The following RYR1 variants were observed in gnomAD, a reference collection of about 807,000 sequenced individuals.
RYR1 encodes ryanodine receptor 1, also known as central core disease of muscle.
RYR1 carries 342 observed loss-of-function variants against 583.5 expected under a neutral mutation model. The observed-to-expected ratio is 0.59, with a 90% CI of 0.54 to 0.64. The LOEUF (loss-of-function observed/expected upper bound fraction) is 0.64. Ranked by LOEUF, RYR1 falls within the 30% of genes least tolerant of loss-of-function variation. The pLI, the probability that RYR1 is intolerant of heterozygous loss-of-function variation, is 0.00. For missense variants in RYR1, 6,032 were observed against 6,917.2 expected (o/e 0.87, Z 4.54); for synonymous variants, 2,791 against 2,822.5 (o/e 0.99, Z 0.35).
At position 38,485,887 on chromosome 19, in the gene RYR1, C is replaced by T; in HGVS notation, c.5232C>T (p.Ile1744=). 1.2e-6 allele frequency: 2 copies of T among 1,613,714 alleles called. No homozygotes were observed. Among genetic ancestry groups the T allele is most frequent in the Non-Finnish European group, 1.7e-6 (2 of 1,179,932 alleles). Residue 1744 remains isoleucine, a synonymous_variant, in exon 34 of 106, where the codon ATC becomes ATT. Transcript: ENST00000359596. ...CCCTCACGCCTGAGACCCGCGCCAT[C>T]ACGCTCTTCCCTCCTGGAAGGAGCA... is the stretch of plus-strand genomic sequence containing the variant. ...IVPLTPETRA[I]TLFPPGRSTE...
In RYR1 at chr19:38,444,470, C is replaced by G. The variant is rs940903230; in HGVS notation, c.538-114C>G. ...TCCTGATCTGTGATCTCTGATGACTCTGTCTCCCATCTGCCGGTTTCCGGG... is the reference window on the plus strand; with the variant it reads ...TCCTGATCTGTGATCTCTGATGACTGTGTCTCCCATCTGCCGGTTTCCGGG... On this transcript the variant is annotated intron_variant, in intron 6 of 105. Transcript: ENST00000359596. The surrounding 1 kb of genome is among the most constrained non-coding windows in gnomAD (Gnocchi z 5.1). 1.1e-6 allele frequency: 1 copy of G among 926,552 alleles called. No homozygotes were observed. 57.4% of individuals were successfully genotyped at this position (926,552 alleles called of 1,614,324 possible). A position where few individuals can be genotyped will look rare whatever the true frequency, so the allele number is the denominator to read the frequency against.
In RYR1 at chr19:38,466,323, C is replaced by T. The variant is rs368384162; in HGVS notation, c.3103C>T (p.Arg1035Trp). Residue 1035 changes from arginine (R) to tryptophan (W), a missense_variant, in exon 24 of 106, where the codon CGG (arginine) becomes TGG (tryptophan). Arg to Trp is a moderately radical substitution (Grantham distance 101, BLOSUM62 -3). Transcript: ENST00000359596. ...LLDEATKRSN[R>W]DSLCQAVRTL... ...GGATGAAGCCACCAAGCGCAGCAAC[C>T]GGGACAGCCTCTGCCAGGCCGTGCG... 7.5e-6 allele frequency: 12 copies of T among 1,606,450 alleles called. No individual in the cohort carries two copies. Among genetic ancestry groups the T allele is most frequent in the African/African-American group, 1.3e-5 (1 of 74,764 alleles).
Position 38,455,649 on chromosome 19 carries a change from G to C in RYR1, c.1689G>C (p.Leu563=). 6.2e-7 allele frequency: 1 copy of C among 1,613,720 alleles called. No individual in the cohort carries two copies. The highest frequency in any genetic ancestry group is 8.5e-7 in the Non-Finnish European group (1 of 1,179,632). Residue 563 remains leucine (L), a synonymous_variant, in exon 16 of 106, where the codon CTG becomes CTC. Coordinates refer to ENST00000359596, the MANE Select transcript of RYR1 (RefSeq NM_000540.3). ...CCCTGGCAGGCATCCTGGAGGTCCT[G>C]TACTGTGTCCTCATTGAGAGTCCAG... ...LEASSGILEV[L]YCVLIESPEV... is the part of the protein sequence containing the mutation.
At chr19:38,576,167 A>G (rs1405837913) in intron 97 of RYR1, among the ~76,000 whole-genome samples, 1 of 152,184 alleles carries the variant, frequency 6.6e-6, no homozygotes, top group Non-Finnish European at 1.5e-5. Context: ...AGAGCAGAGC[A>G]TCAAGGCCAA....
intron 89 of RYR1, among the ~76,000 whole-genome samples, chr19:38,555,237 G>A (rs1014704358): frequency 6.6e-6 from 1 of 152,030 alleles, no homozygotes; most frequent in Non-Finnish European, 1.5e-5. Flanking sequence ...GACTGTTTGA[G>A]TCCAGGTGTT....
In RYR1 at chr19:38,443,653, C is replaced by CGTG. The variant is rs749846528; in HGVS notation, c.345+23_345+25dup. ...GCATGGTGAGTGCAACCTCGGTGGG[C>CGTG]GTGGGCAGGGGCCAGGGCATGTGGG... On this transcript the variant is annotated intron_variant, in intron 4 of 105. Coordinates refer to ENST00000359596, the MANE Select transcript of RYR1 (RefSeq NM_000540.3). The CGTG allele has an allele frequency of 3.1e-6, 5 of 1,613,864 alleles. No individual in the cohort carries two copies. The African/African-American group carries it at 6.7e-5, about 22-fold the overall frequency.
At chr19:38,460,083 G>A (rs541209810) in intron 19 of RYR1, among the ~76,000 whole-genome samples, 8 of 152,230 alleles carry the variant, frequency 5.3e-5, no homozygotes, top group Middle Eastern at 3.4e-3. Context: ...TTGACCTGGG[G>A]TCTCCTCTGA....
chr19:38,513,643 C>G (rs980123589), intron 63 of RYR1, among the ~76,000 whole-genome samples: 2 of 150,894 alleles, frequency 1.3e-5, no homozygotes, highest in African/African-American at 4.9e-5. Flanking sequence ...GGCTGAGGCA[C>G]AAGAACTGCT....
intron 83 of RYR1, 164 bp downstream of exon 83, chr19:38,536,931 G>A (rs1971997327): frequency 2.8e-6 from 2 of 707,014 alleles, no homozygotes; most frequent in East Asian, 2.7e-5. Flanking sequence ...AGGAGTCTGG[G>A]GAGCATGATT....
At chr19:38,574,933 G>C (rs1041513598) in intron 96 of RYR1, among the ~76,000 whole-genome samples, 1 of 151,856 alleles carries the variant, frequency 6.6e-6, no homozygotes, top group Non-Finnish European at 1.5e-5. Context: ...ACAGCTACTC[G>C]GGAGGCTGAG....
chr19:38,467,049 C>T (rs1056733398), intron 24 of RYR1, among the ~76,000 whole-genome samples: 3 of 152,140 alleles, frequency 2.0e-5, no homozygotes, highest in Non-Finnish European at 4.4e-5. Flanking sequence ...AATCACTAAT[C>T]TCTGAACTGT....
intron 89 of RYR1, among the ~76,000 whole-genome samples, chr19:38,554,580 T>G (rs949202066): frequency 6.6e-6 from 1 of 151,938 alleles, no homozygotes; most frequent in African/African-American, 2.4e-5. Flanking sequence ...ACATCTACTA[T>G]AGCTTGGAAG....
chr19:38,565,276 GC>G lies in RYR1; in HGVS notation c.12943del (p.Arg4315GlyfsTer26). On this transcript the variant is annotated frameshift_variant, in exon 91 of 106. Coordinates refer to ENST00000359596, the MANE Select transcript of RYR1 (RefSeq NM_000540.3). LOFTEE classifies it high-confidence loss of function. The surrounding 1 kb of genome is among the most constrained non-coding windows in gnomAD (Gnocchi z 4.7). ...LRGLSYRSLR[R>X]RVRRLRRLTA... is the part of the protein sequence containing the mutation. ...GAGGCCTCAGCTACCGCAGCCTGCGGCGGCGCGTGCGGCGGCTGCGGCGGCT... is the reference window on the plus strand; with the variant it reads ...GAGGCCTCAGCTACCGCAGCCTGCGGGGCGCGTGCGGCGGCTGCGGCGGCT... 1 of 997,686 alleles carries G rather than the reference GC, an allele frequency of 1.0e-6. No homozygotes were observed. The highest frequency in any genetic ancestry group is 1.2e-6 in the Non-Finnish European group (1 of 839,690). The allele number at this position is 997,686 out of a possible 1,614,324, so 61.8% of individuals were successfully genotyped here.
rs571569206 is a variant in RYR1, at chr19:38,458,162, C to A, written c.2037C>A (p.Thr679=). The change falls in exon 18 of 106, where the codon ACC becomes ACA. Residue 679 remains threonine, a synonymous_variant. Transcript: ENST00000359596. ...CTCCATTTCTGACAGCTCAGGCCAC[C>A]CACTTGCGGGTGGGCTGGGCCCTCA... The part of the protein sequence containing the change: ...EVTPFLTAQA[T]HLRVGWALTE... The A allele has an allele frequency of 2.7e-5, 43 of 1,613,976 alleles. No individual in the cohort carries two copies. The South Asian group carries it at 4.4e-4, about 16-fold the overall frequency.
rs558866528 is a variant in RYR1 at position 38,464,460 on chromosome 19, G to A, written c.2787-179G>A. On this transcript the variant is annotated intron_variant, in intron 22 of 105. Transcript: ENST00000359596. ...AGACATAGTTAGTTATACAGACAAG[G>A]CGCAGGGAAAGACAGAAGTCATGAA... Among the ~76,000 whole-genome samples the A allele has an allele frequency of 2.6e-5, 4 of 152,200 alleles. No individual in the cohort carries two copies. The South Asian group carries it at 8.3e-4, about 32-fold the overall frequency.
At position 38,566,855 on chromosome 19, in the gene RYR1, C is replaced by G. The variant is rs554062370; in HGVS notation, c.13438-56C>G. On this transcript the variant is annotated intron_variant, in intron 91 of 105. Coordinates refer to ENST00000359596, the MANE Select transcript of RYR1 (RefSeq NM_000540.3). ...AAAGGAGATGAGAGGAGCAGGCAGGCAGCCTGAGAAGCGCTTAGGGTGAGG... is the reference window on the plus strand; with the variant it reads ...AAAGGAGATGAGAGGAGCAGGCAGGGAGCCTGAGAAGCGCTTAGGGTGAGG... The G allele has an allele frequency of 8.9e-5, 140 of 1,564,352 alleles. No homozygotes were observed. In the African/African-American group the frequency reaches 1.8e-3, roughly 20 times the overall value.
rs141299670 is a variant in RYR1, at chr19:38,512,232, G to A, written c.9234-13G>A. 15 of 1,614,094 alleles carry A rather than the reference G, an allele frequency of 9.3e-6. No individual in the cohort carries two copies. Among genetic ancestry groups the A allele is most frequent in the Admixed American group, 8.3e-5 (5 of 60,020 alleles). ...CCGATTCCAGAGCTGATGTTCCCCC[G>A]CTGCCCTTCTAGGACAGTGATGAAG... On this transcript the variant is annotated splice_polypyrimidine_tract_variant and intron_variant, in intron 62 of 105. Coordinates refer to ENST00000359596, the MANE Select transcript of RYR1 (RefSeq NM_000540.3). The surrounding 1 kb of genome is among the most constrained non-coding windows in gnomAD (Gnocchi z 5.1).
At chr19:38,493,150 G>A (rs968278471) in intron 38 of RYR1, among the ~76,000 whole-genome samples, 1 of 152,124 alleles carries the variant, frequency 6.6e-6, no homozygotes, top group African/African-American at 2.4e-5. Flanking sequence ...TTGGACCAGG[G>A]TGACACAGCC....
chr19:38,515,616 A>G (rs1970931396), intron 64 of RYR1, among the ~76,000 whole-genome samples: 1 of 152,126 alleles, frequency 6.6e-6, no homozygotes, highest in African/African-American at 2.4e-5. Context: ...CAACATAGTG[A>G]GACTCCATCT....
Sources: gnomAD v4.1 joint callset for allele counts (sites outside exome capture counted in the v4.1 genomes callset) on GRCh38, gnomAD v4.1.1 for gene constraint, Gnocchi (gnomAD v3.1) non-coding constraint, MANE v1.5 for transcripts, NCBI Gene and HGNC (gene_info 2026-07-23, HGNC 2026-07-21) for gene names.